FAM117B: variants seen among roughly 807,000 people sequenced by gnomAD.
FAM117B encodes protein FAM117B.
Under a neutral mutation model 52.8 loss-of-function variants are expected in FAM117B, and 22 were observed. The observed-to-expected ratio is 0.42, with a 90% CI of 0.30 to 0.59. The LOEUF (loss-of-function observed/expected upper bound fraction) is 0.59, where lower values mean the gene tolerates loss of function less well. Among genes scored for constraint, FAM117B ranks in the 20% least tolerant of loss-of-function variants. The probability of loss-of-function intolerance (pLI) is 0.22; values close to 1 mark genes in which losing one functional copy is unlikely to be tolerated. For synonymous variants in FAM117B, 309 were observed against 324.1 expected (o/e 0.95, Z 0.50); for missense variants, 678 against 802.6 (o/e 0.84, Z 1.88).
At chr2:202,680,023 C>T (rs925900476) in intron 1 of FAM117B, among the ~76,000 whole-genome samples, 1 of 151,844 alleles carries the variant, frequency 6.6e-6, no homozygotes, top group Non-Finnish European at 1.5e-5. Context: ...AAGAACTGAT[C>T]AAAATTTCTA....
At chr2:202,706,315 A>G (rs1013850670) in intron 2 of FAM117B, among the ~76,000 whole-genome samples, 1 of 152,168 alleles carries the variant, frequency 6.6e-6, no homozygotes, top group Non-Finnish European at 1.5e-5. Context: ...AAAACCCTCA[A>G]AGGTTGATTT....
intron 1 of FAM117B, among the ~76,000 whole-genome samples, chr2:202,646,916 G>C (rs920769880): frequency 6.6e-6 from 1 of 151,758 alleles, no homozygotes; most frequent in Non-Finnish European, 1.5e-5. Flanking sequence ...TGTGATCTAG[G>C]GTATGTACAA....
intron 4 of FAM117B, among the ~76,000 whole-genome samples, chr2:202,746,800 G>A (rs1691639593): frequency 6.6e-6 from 1 of 152,028 alleles, no homozygotes; most frequent in African/African-American, 2.4e-5. Context: ...TTTTACTGCT[G>A]AATTTTAACA....
At chr2:202,765,408 G>T (rs184144217) in intron 7 of FAM117B, 38 bp from the exon 8 acceptor site, 43 of 1,459,786 alleles carry the variant, frequency 2.9e-5, no homozygotes, top group Admixed American at 6.9e-5. Context: ...TTTAAGTTCA[G>T]TGACTTAAAA....
intron 1 of FAM117B, among the ~76,000 whole-genome samples, chr2:202,673,280 T>C (rs904472549): frequency 3.0e-4 from 45 of 152,034 alleles, no homozygotes; most frequent in Non-Finnish European, 1.2e-4. Flanking sequence ...GTGTGAACTT[T>C]GGTTGTAGCT....
intron 7 of FAM117B, among the ~76,000 whole-genome samples, chr2:202,762,318 T>G (rs900372804): frequency 6.6e-6 from 1 of 152,166 alleles, no homozygotes; most frequent in Non-Finnish European, 1.5e-5. Context: ...GTGGTTGGAT[T>G]TGGGCCCAAA....
intron 4 of FAM117B, among the ~76,000 whole-genome samples, chr2:202,729,059 C>T (rs1397538075): frequency 6.6e-6 from 1 of 152,160 alleles, no homozygotes. Context: ...TCACGCTGGC[C>T]GGGCACGGTG....
intron 5 of FAM117B, among the ~76,000 whole-genome samples, 161 bp from the exon 6 acceptor site, chr2:202,757,052 G>A (rs1480806410): frequency 6.6e-6 from 1 of 152,106 alleles, no homozygotes; most frequent in Non-Finnish European, 1.5e-5. Context: ...GGTCAGATTA[G>A]ACAGGGATGT....
At chr2:202,719,747 A>T (rs937900637) in intron 2 of FAM117B, among the ~76,000 whole-genome samples, 17 of 152,210 alleles carry the variant, frequency 1.1e-4, no homozygotes, top group African/African-American at 3.9e-4. Flanking sequence ...GCTAGGATCC[A>T]GTCAGGGAGC....
chr2:202,707,082 C>T (rs1445202549), intron 2 of FAM117B, among the ~76,000 whole-genome samples: 3 of 152,036 alleles, frequency 2.0e-5, no homozygotes, highest in African/African-American at 4.8e-5. Flanking sequence ...TTTTGCTTGT[C>T]ACCAGCTGGA....
At chr2:202,660,635 C>T (rs1011998510) in intron 1 of FAM117B, among the ~76,000 whole-genome samples, 6 of 152,192 alleles carry the variant, frequency 3.9e-5, no homozygotes, top group Non-Finnish European at 7.3e-5. Context: ...TATTTTCACA[C>T]TCTGTTTCCC....
At chr2:202,717,384 A>T (rs1255646031) in intron 2 of FAM117B, among the ~76,000 whole-genome samples, 1 of 152,096 alleles carries the variant, frequency 6.6e-6, no homozygotes, top group Non-Finnish European at 1.5e-5. Flanking sequence ...AGGTGGGAGG[A>T]TCACTCAAGC....
intron 4 of FAM117B, among the ~76,000 whole-genome samples, chr2:202,753,730 C>A (rs1314235567): frequency 6.6e-6 from 1 of 151,076 alleles, no homozygotes; most frequent in Non-Finnish European, 1.5e-5. Context: ...TAAAAGAAGA[C>A]ATTTACACGG....
intron 1 of FAM117B, among the ~76,000 whole-genome samples, chr2:202,688,723 A>G (rs1690580011): frequency 6.6e-6 from 1 of 152,346 alleles, no homozygotes; most frequent in South Asian, 2.1e-4. Flanking sequence ...GTGAAAATTG[A>G]TAAAATATAC....
intron 4 of FAM117B, among the ~76,000 whole-genome samples, chr2:202,746,484 A>G (rs914610735): frequency 7.4e-6 from 1 of 136,054 alleles, no homozygotes. Context: ...GTATATACCA[A>G]TAAATGCCTC....
At chr2:202,717,962 G>C (rs1463728092) in intron 2 of FAM117B, among the ~76,000 whole-genome samples, 1 of 151,776 alleles carries the variant, frequency 6.6e-6, no homozygotes, top group Non-Finnish European at 1.5e-5. Context: ...AAAAACCTTA[G>C]AAGTCTGCCT....
intron 1 of FAM117B, among the ~76,000 whole-genome samples, chr2:202,636,589 A>G (rs889605046): frequency 6.6e-6 from 1 of 152,248 alleles, no homozygotes; most frequent in Non-Finnish European, 1.5e-5. Context: ...GGAGTCATTC[A>G]TAAAGAGTAA....
intron 4 of FAM117B, among the ~76,000 whole-genome samples, chr2:202,728,901 A>G (rs1691297880): frequency 6.6e-6 from 1 of 152,220 alleles, no homozygotes; most frequent in African/African-American, 2.4e-5. Context: ...AACTTGAAAA[A>G]TAGTTCATCT....
rs944511371 is a variant in FAM117B at position 202,765,711 on chromosome 2, C to T, written c.1717C>T (p.Pro573Ser). 1 of 1,614,108 alleles carries T rather than the reference C, an allele frequency of 6.2e-7. No individual in the cohort carries two copies. Among genetic ancestry groups the T allele is most frequent in the Non-Finnish European group, 8.5e-7 (1 of 1,180,014 alleles). ...RVSRGTSTVM[P>S]SASLLPPPEP... Reference sequence around the variant, plus strand: ...CTCTCGAGGAACAAGTACAGTCATGCCATCAGCTTCTCTACTCCCACCACC... The same window carrying T: ...CTCTCGAGGAACAAGTACAGTCATGTCATCAGCTTCTCTACTCCCACCACC... The change falls in exon 8 of 8, where the codon CCA (proline) becomes TCA (serine). Residue 573 changes from proline (P) to serine (S), a missense_variant. By Grantham distance (74) the Pro-to-Ser change is moderately conservative (BLOSUM62 -1). Transcript: ENST00000392238.
Sources: gnomAD v4.1 joint callset for allele counts (sites outside exome capture counted in the v4.1 genomes callset) on GRCh38, gnomAD v4.1.1 for gene constraint, MANE v1.5 for transcripts, NCBI Gene and HGNC (gene_info 2026-07-23, HGNC 2026-07-21) for gene names.